PLAGL1: variants seen among roughly 807,000 people sequenced by gnomAD.
The protein encoded by PLAGL1 is zinc finger protein PLAGL1.
PLAGL1 carries 1 observed loss-of-function variant against 4.6 expected under a neutral mutation model. The observed-to-expected ratio is 0.22, with a 90% CI of 0.08 to 1.03. The LOEUF (loss-of-function observed/expected upper bound fraction) is 1.03. Among genes scored for constraint, PLAGL1 ranks in the 50% least tolerant of loss-of-function variants. The pLI, the probability that PLAGL1 is intolerant of heterozygous loss-of-function variation, is 0.58. For synonymous variants in PLAGL1, 240 were observed against 237.8 expected (o/e 1.01, Z -0.08); for missense variants, 464 against 570.4 (o/e 0.81, Z 1.90).
At chr6:144,018,937 G>A (rs1353985530) in intron 1 of PLAGL1, among the ~76,000 whole-genome samples, 1 of 152,100 alleles carries the variant, frequency 6.6e-6, no homozygotes, top group Non-Finnish European at 1.5e-5. Context: ...GGGAAGCTAA[G>A]GTGGGAGGAT....
intron 1 of PLAGL1, among the ~76,000 whole-genome samples, chr6:144,020,319 G>A (rs913264647): frequency 4.0e-5 from 6 of 151,500 alleles, no homozygotes; most frequent in Non-Finnish European, 7.4e-5. Flanking sequence ...GGAGTCGCTC[G>A]CCCTGTTACC....
chr6:144,040,713 T>TA (rs1182993047), intron 1 of PLAGL1, among the ~76,000 whole-genome samples: 1 of 151,430 alleles, frequency 6.6e-6, no homozygotes, highest in Non-Finnish European at 1.5e-5. Context: ...CTGTCTCCAC[T>TA]AAAAATACAA....
rs1782560626 is a variant in PLAGL1 at position 143,958,147 on chromosome 6, A to G, written c.-325+2322T>C. On this transcript the variant is annotated intron_variant, in intron 6 of 7. Coordinates refer to ENST00000674357, the MANE Select transcript of PLAGL1 (RefSeq NM_001317162.2). The surrounding 1 kb of genome is among the most constrained non-coding windows in gnomAD (Gnocchi z 5.1). ...GCACCTGGCAGGGGACACTGGGTTT[A>G]TCCTACAGGGAACTGGGAGCCAGTG... Among the ~76,000 whole-genome samples, 1 of 152,226 alleles carries G rather than the reference A, an allele frequency of 6.6e-6. No homozygotes were observed. Among genetic ancestry groups the G allele is most frequent in the Admixed American group, 6.5e-5 (1 of 15,282 alleles).
Position 144,059,022 on chromosome 6 carries a change from C to G in PLAGL1, c.-151+5446G>C, listed in dbSNP as rs545557826. ...ACTCTGTGTGGTGGCTCCAGCCCCACATTTTCCCTCTACATTGCCCTACTA... is the reference window on the plus strand; with the variant it reads ...ACTCTGTGTGGTGGCTCCAGCCCCAGATTTTCCCTCTACATTGCCCTACTA... On this transcript the variant is annotated intron_variant, in intron 1 of 3. Transcript: ENST00000437412. This position sits in a 1 kb window ranked among gnomAD's most constrained non-coding sequence, Gnocchi z 4.9. Among the ~76,000 whole-genome samples, 3 of 152,248 alleles carry G rather than the reference C, an allele frequency of 2.0e-5. No individual in the cohort carries two copies. Among genetic ancestry groups the G allele is most frequent in the Non-Finnish European group, 4.4e-5 (3 of 68,040 alleles).
rs764902418 is a variant in PLAGL1 at position 143,963,585 on chromosome 6, C to T, written c.-399+1202G>A. On this transcript the variant is annotated intron_variant, in intron 5 of 7. Coordinates refer to ENST00000674357, the MANE Select transcript of PLAGL1 (RefSeq NM_001317162.2). The surrounding 1 kb of genome is among the most constrained non-coding windows in gnomAD (Gnocchi z 6.1). Reference sequence around the variant, plus strand: ...AAGGCTTAGAAGTTATGCTGATTTGCCCATGATCCTACAGCCAGCAAGCAG... The same window carrying T: ...AAGGCTTAGAAGTTATGCTGATTTGTCCATGATCCTACAGCCAGCAAGCAG... Among the ~76,000 whole-genome samples the T allele has an allele frequency of 2.5e-4, 38 of 152,170 alleles. No individual in the cohort carries two copies. The highest frequency in any genetic ancestry group is 4.7e-4 in the Non-Finnish European group (32 of 68,030).
In PLAGL1 at chr6:143,964,369, C is replaced by T. The variant is rs1014045968; in HGVS notation, c.-399+418G>A. Among the ~76,000 whole-genome samples, 2 of 152,174 alleles carry T rather than the reference C, an allele frequency of 1.3e-5. No homozygotes were observed. The highest frequency in any genetic ancestry group is 2.9e-5 in the Non-Finnish European group (2 of 68,032). On this transcript the variant is annotated intron_variant, in intron 5 of 7. Transcript: ENST00000674357. This position sits in a 1 kb window ranked among gnomAD's most constrained non-coding sequence, Gnocchi z 4.3. ...ATGAAAATCTCCAGGTCCTAGGACACACTCCATGGGGGAAGGGGAAGCACC... is the reference window on the plus strand; with the variant it reads ...ATGAAAATCTCCAGGTCCTAGGACATACTCCATGGGGGAAGGGGAAGCACC...
intron 1 of PLAGL1, among the ~76,000 whole-genome samples, chr6:144,045,198 T>G (rs983544069): frequency 6.6e-6 from 1 of 152,076 alleles, no homozygotes; most frequent in African/African-American, 2.4e-5. Flanking sequence ...AGGTAAATAT[T>G]GTTATGTGTG....
Position 143,994,480 on chromosome 6 carries a change from C to A in PLAGL1, c.-583-9306G>T, listed in dbSNP as rs1035424277. ...CGTATGACACTGATTTTACACTCTG[C>A]AGAAGTGCGGACAGATTTAACAAGG... is the stretch of plus-strand genomic sequence containing the variant. On this transcript the variant is annotated intron_variant, in intron 1 of 7. Transcript: ENST00000674357. This position sits in a 1 kb window ranked among gnomAD's most constrained non-coding sequence, Gnocchi z 4.3. 1.3e-4 allele frequency among the ~76,000 whole-genome samples: 20 copies of A among 152,288 alleles called. No homozygotes were observed. Among genetic ancestry groups the A allele is most frequent in the African/African-American group, 4.8e-4 (20 of 41,576 alleles).
Position 144,022,036 on chromosome 6 carries a change from G to T in PLAGL1, c.-151+42432C>A, listed in dbSNP as rs1390486808. On this transcript the variant is annotated intron_variant, in intron 1 of 3. Transcript: ENST00000437412. The surrounding 1 kb of genome is among the most constrained non-coding windows in gnomAD (Gnocchi z 4.2). ...AGGTGATCCAACTCTCCTACCTCAGGCAGTTGCAGGGCTTTGAACCAGAGG... is the reference window on the plus strand; with the variant it reads ...AGGTGATCCAACTCTCCTACCTCAGTCAGTTGCAGGGCTTTGAACCAGAGG... Among the ~76,000 whole-genome samples the T allele has an allele frequency of 6.6e-6, 1 of 152,196 alleles. No homozygotes were observed. The highest frequency in any genetic ancestry group is 1.5e-5 in the Non-Finnish European group (1 of 68,034).
rs925248768 is a variant in PLAGL1 at position 143,961,401 on chromosome 6, G to C, written c.-398-859C>G. The C allele has an allele frequency of 6.6e-6, 1 of 152,194 alleles. No homozygotes were observed. The highest frequency in any genetic ancestry group is 1.5e-5 in the Non-Finnish European group (1 of 68,042). The allele number at this position is 152,194 out of a possible 1,614,324, so 9.4% of individuals were successfully genotyped here. ...CAAAGCCAATTTATATCTCGCCTAAGTGATTTATTCACTTGCCTATTTTCT... is the reference window on the plus strand; with the variant it reads ...CAAAGCCAATTTATATCTCGCCTAACTGATTTATTCACTTGCCTATTTTCT... On this transcript the variant is annotated intron_variant, in intron 5 of 7. Coordinates refer to ENST00000674357, the MANE Select transcript of PLAGL1 (RefSeq NM_001317162.2). This position sits in a 1 kb window ranked among gnomAD's most constrained non-coding sequence, Gnocchi z 6.5.
In PLAGL1 at chr6:144,061,847, TCTC is replaced by T. The variant is rs1244504234; in HGVS notation, c.-151+2618_-151+2620del. Among the ~76,000 whole-genome samples the T allele has an allele frequency of 6.6e-6, 1 of 152,114 alleles. No individual in the cohort carries two copies. Among genetic ancestry groups the T allele is most frequent in the Non-Finnish European group, 1.5e-5 (1 of 68,018 alleles). The stretch of plus-strand genomic sequence containing the variant: ...TCTTACGATTTTCCTTTTGTGCACT[TCTC>T]CTCTGTTGTCATTCCAACCTTCTGT... On this transcript the variant is annotated intron_variant, in intron 1 of 3. Transcript: ENST00000437412. The surrounding 1 kb of genome is among the most constrained non-coding windows in gnomAD (Gnocchi z 4.4).
At chr6:143,996,395 G>T (rs1051885996) in intron 1 of PLAGL1, among the ~76,000 whole-genome samples, 1 of 152,108 alleles carries the variant, frequency 6.6e-6, no homozygotes, top group African/African-American at 2.4e-5. Flanking sequence ...AGAAAGTATG[G>T]CAAAGACTGC....
intron 1 of PLAGL1, among the ~76,000 whole-genome samples, chr6:143,999,287 C>T (rs1792325833): frequency 6.6e-6 from 1 of 152,078 alleles, no homozygotes; most frequent in Non-Finnish European, 1.5e-5. Context: ...TCCTAATTGA[C>T]CCCTAAGTTC....
rs1425891376 is a variant in PLAGL1 at position 143,985,783 on chromosome 6, A to C, written c.-583-609T>G. On this transcript the variant is annotated intron_variant, in intron 1 of 7. Transcript: ENST00000674357. The surrounding 1 kb of genome is among the most constrained non-coding windows in gnomAD (Gnocchi z 4.4). ...CTCATTTCAAAAATCAAAACGCAAA[A>C]AGTAAGGGAGTCAGAAATGTTGTCT... Among the ~76,000 whole-genome samples the C allele has an allele frequency of 2.0e-5, 3 of 151,342 alleles. No individual in the cohort carries two copies. Among genetic ancestry groups the C allele is most frequent in the Non-Finnish European group, 2.9e-5 (2 of 67,868 alleles).
rs1310374267 is a variant in PLAGL1 at position 143,985,966 on chromosome 6, TTATATATATATAAAATTATATATA to T, written c.-583-816_-583-793del. 1.5e-4 allele frequency among the ~76,000 whole-genome samples: 16 copies of T among 107,882 alleles called. 1 individual carries two copies. Among genetic ancestry groups the T allele is most frequent in the Non-Finnish European group, 2.7e-4 (14 of 51,650 alleles). 70.8% of individuals were successfully genotyped at this position (107,882 alleles called of 152,430 possible). On this transcript the variant is annotated intron_variant, in intron 1 of 7. Coordinates refer to ENST00000674357, the MANE Select transcript of PLAGL1 (RefSeq NM_001317162.2). The surrounding 1 kb of genome is among the most constrained non-coding windows in gnomAD (Gnocchi z 4.4). The stretch of plus-strand genomic sequence containing the variant: ...GATATATATACACATATATATCAAA[TTATATATATATAAAATTATATATA>T]TATATATATATATATATATATCATT...
At chr6:144,032,900 G>A (rs1160335592) in intron 1 of PLAGL1, among the ~76,000 whole-genome samples, 1 of 152,160 alleles carries the variant, frequency 6.6e-6, no homozygotes, top group Non-Finnish European at 1.5e-5. Flanking sequence ...CAATTACTAA[G>A]TAAACCCTGA....
In PLAGL1 at chr6:143,955,190, T is replaced by C. The variant is rs1250322092; in HGVS notation, c.-325+5279A>G. ...CTCTTGCTTGGGAGATCAAGAAAGG[T>C]GTCACAGAGAAGTAAAAGTTGAAGC... On this transcript the variant is annotated intron_variant, in intron 6 of 7. Coordinates refer to ENST00000674357, the MANE Select transcript of PLAGL1 (RefSeq NM_001317162.2). This position sits in a 1 kb window ranked among gnomAD's most constrained non-coding sequence, Gnocchi z 4.9. Among the ~76,000 whole-genome samples, 1 of 152,150 alleles carries C rather than the reference T, an allele frequency of 6.6e-6. No homozygotes were observed. The highest frequency in any genetic ancestry group is 6.5e-5 in the Admixed American group (1 of 15,278).
rs1791912050 is a variant in PLAGL1 at position 143,997,531 on chromosome 6, C to G, written c.-584+10559G>C. Among the ~76,000 whole-genome samples, 1 of 152,148 alleles carries G rather than the reference C, an allele frequency of 6.6e-6. No individual in the cohort carries two copies. Among genetic ancestry groups the G allele is most frequent in the African/African-American group, 2.4e-5 (1 of 41,410 alleles). On this transcript the variant is annotated intron_variant, in intron 1 of 7. Coordinates refer to ENST00000674357, the MANE Select transcript of PLAGL1 (RefSeq NM_001317162.2). This position sits in a 1 kb window ranked among gnomAD's most constrained non-coding sequence, Gnocchi z 4.6. ...AAAAGCCAGACACAAAAGAGTACAT[C>G]CTGTTTGGTTATACTTAAAATTCAA...
At chr6:144,017,935 C>T (rs919457271) in intron 1 of PLAGL1, among the ~76,000 whole-genome samples, 3 of 152,200 alleles carry the variant, frequency 2.0e-5, no homozygotes, top group Admixed American at 2.0e-4. Flanking sequence ...CACTCCTTCC[C>T]TAGCCAGCCT....
Sources: allele counts gnomAD v4.1 joint callset (sites outside exome capture counted in the v4.1 genomes callset), GRCh38; gene constraint gnomAD v4.1.1; non-coding constraint Gnocchi (gnomAD v3.1); transcripts MANE v1.5; gene names NCBI Gene and HGNC (gene_info 2026-07-23, HGNC 2026-07-21).